Variants in NUGGC observed in about 807,000 individuals in gnomAD.
The protein encoded by NUGGC is nuclear GTPase SLIP-GC.
A neutral mutation model predicts 92.6 loss-of-function variants in NUGGC; 58 were observed. That is an observed-to-expected ratio of 0.63 (90% CI 0.51 to 0.78). The LOEUF is 0.78. Ranked by LOEUF, NUGGC falls within the 30% of genes least tolerant of loss-of-function variation. The pLI is 0.00. For synonymous variants in NUGGC, 376 were observed against 366.4 expected (o/e 1.03, Z -0.30); for missense variants, 925 against 964.6 (o/e 0.96, Z 0.54).
At chr8:28,081,628 C>T (rs1036484822) in intron 1 of NUGGC, among the ~76,000 whole-genome samples, 3 of 152,008 alleles carry the variant, frequency 2.0e-5, no homozygotes, top group Admixed American at 2.0e-4. Flanking sequence ...CCTGTAATCC[C>T]AACATTTTGG....
intron 10 of NUGGC, among the ~76,000 whole-genome samples, chr8:28,053,670 C>T (rs1810063050): frequency 2.0e-5 from 3 of 152,194 alleles, no homozygotes; most frequent in Non-Finnish European, 4.4e-5. Context: ...TGATGTATTG[C>T]TGCCCAGGCC....
intron 13 of NUGGC, among the ~76,000 whole-genome samples, chr8:28,035,514 G>T (rs1044851109): frequency 1.3e-5 from 2 of 152,040 alleles, no homozygotes; most frequent in African/African-American, 4.8e-5. Context: ...TCAGGCGGGG[G>T]CCTTAGCTGC....
chr8:28,075,678 T>A (rs1209060989), intron 1 of NUGGC, among the ~76,000 whole-genome samples: 4 of 152,196 alleles, frequency 2.6e-5, no homozygotes, highest in African/African-American at 9.6e-5. Flanking sequence ...GGAAACTATG[T>A]CTCATTTACA....
rs982242995 is a variant in NUGGC at position 28,040,794 on chromosome 8, A to G, written c.1611+257T>C. Among the ~76,000 whole-genome samples, 9 of 151,932 alleles carry G rather than the reference A, an allele frequency of 5.9e-5. No individual in the cohort carries two copies. The East Asian group carries it at 1.7e-3, about 29-fold the overall frequency. On this transcript the variant is annotated intron_variant, in intron 13 of 18. Coordinates refer to ENST00000413272, the MANE Select transcript of NUGGC (RefSeq NM_001010906.2). Reference sequence around the variant, plus strand: ...CCTGAGCAGCTGGGATGACAGGCACACGCCACCACACCTGGCTAATTTTTG... The same window carrying G: ...CCTGAGCAGCTGGGATGACAGGCACGCGCCACCACACCTGGCTAATTTTTG...
intron 9 of NUGGC, 98 bp from the exon 10 acceptor site, chr8:28,056,152 CCAAA>C (rs1810129635): frequency 2.9e-6 from 2 of 685,854 alleles, no homozygotes; most frequent in Non-Finnish European, 2.5e-6. Flanking sequence ...TTCATTTGGT[CCAAA>C]CAGTCAAATA....
intron 10 of NUGGC, among the ~76,000 whole-genome samples, chr8:28,050,761 A>C (rs1230803416): frequency 6.6e-6 from 1 of 152,006 alleles, no homozygotes; most frequent in Non-Finnish European, 1.5e-5. Flanking sequence ...CAGTGAGCCA[A>C]CATTGTGCCA....
In NUGGC at chr8:28,031,358, G is replaced by A; in HGVS notation, c.1793C>T (p.Ala598Val). 6.2e-7 allele frequency: 1 copy of A among 1,613,984 alleles called. No homozygotes were observed. Among genetic ancestry groups the A allele is most frequent in the South Asian group, 1.1e-5 (1 of 91,082 alleles). Residue 598 changes from alanine (A) to valine (V), a missense_variant, in exon 15 of 19, where the codon GCT becomes GTT. Physicochemically the swap from Ala to Val is moderately conservative, Grantham distance 64 (BLOSUM62 0). Transcript: ENST00000413272. ...AAAAGCATCTATGTGAGGCATCAGA[G>A]CTGAACCAGTGGGCTTCCCCGTCCT... is the stretch of plus-strand genomic sequence containing the variant. ...IFRTGKPTGS[A>V]LMPHIDAFKQ...
chr8:28,053,688 A>T (rs1038537535), intron 10 of NUGGC, among the ~76,000 whole-genome samples: 4 of 152,210 alleles, frequency 2.6e-5, no homozygotes, highest in African/African-American at 4.8e-5. Context: ...GCCCTAACTC[A>T]TACAAACCAA....
At chr8:28,031,480 A>G in intron 14 of NUGGC, 99 bp from the exon 15 acceptor site, 1 of 1,154,098 alleles carries the variant, frequency 8.7e-7, no homozygotes, top group South Asian at 1.4e-5. Flanking sequence ...CATTTAAGAG[A>G]AGGAAGATGA....
intron 8 of NUGGC, among the ~76,000 whole-genome samples, chr8:28,059,263 T>C (rs773964618): frequency 6.6e-6 from 1 of 152,132 alleles, no homozygotes; most frequent in Non-Finnish European, 1.5e-5. Flanking sequence ...ACACACCCCA[T>C]GGATCCAGGA....
intron 6 of NUGGC, among the ~76,000 whole-genome samples, chr8:28,064,939 G>A (rs1810402073): frequency 6.6e-6 from 1 of 152,192 alleles, no homozygotes; most frequent in South Asian, 2.1e-4. Flanking sequence ...TTACCTTACA[G>A]ATGAAACAAA....
rs767413298 is a variant in NUGGC at position 28,065,946 on chromosome 8, CT to C, written c.712-1216del. On this transcript the variant is annotated intron_variant, in intron 6 of 18. Coordinates refer to ENST00000413272, the MANE Select transcript of NUGGC (RefSeq NM_001010906.2). ...AGGCAGGGGCTTGAAAAGCCCCTTC[CT>C]ACAAGAGGGCTCAGCCCAATAAACT... is the stretch of plus-strand genomic sequence containing the variant. Among the ~76,000 whole-genome samples, 112 of 152,276 alleles carry C rather than the reference CT, an allele frequency of 7.4e-4. 1 individual carries two copies. The highest frequency in any genetic ancestry group is 1.2e-3 in the Non-Finnish European group (79 of 68,018).
At chr8:28,028,999 C>T (rs911465434) in intron 17 of NUGGC, among the ~76,000 whole-genome samples, 6 of 152,116 alleles carry the variant, frequency 3.9e-5, no homozygotes, top group Non-Finnish European at 7.3e-5. Flanking sequence ...ATAGTACCTA[C>T]CTCACAGACT....
intron 7 of NUGGC, among the ~76,000 whole-genome samples, chr8:28,061,575 A>G (rs184913889): frequency 6.6e-6 from 1 of 152,322 alleles, no homozygotes; most frequent in Admixed American, 6.5e-5. Flanking sequence ...GAAAATATAA[A>G]CAGTCTCCAA....
chr8:28,035,906 A>T (rs1181056716), intron 13 of NUGGC, among the ~76,000 whole-genome samples: 3 of 152,214 alleles, frequency 2.0e-5, no homozygotes, highest in Non-Finnish European at 4.4e-5. Flanking sequence ...TTTAAGAGAC[A>T]GGGTCTCTCT....
At chr8:28,072,286 A>C (rs548581821) in intron 2 of NUGGC, among the ~76,000 whole-genome samples, 1 of 152,220 alleles carries the variant, frequency 6.6e-6, no homozygotes, top group Non-Finnish European at 1.5e-5. Context: ...ACTAAATACC[A>C]AGTGGTTGCT....
intron 4 of NUGGC, among the ~76,000 whole-genome samples, chr8:28,069,171 A>G (rs1051617694): frequency 1.3e-5 from 2 of 152,114 alleles, no homozygotes; most frequent in African/African-American, 4.8e-5. Context: ...AGGACAAATA[A>G]TTGGGGACAT....
At chr8:28,065,319 C>G (rs899619306) in intron 6 of NUGGC, among the ~76,000 whole-genome samples, 1 of 151,962 alleles carries the variant, frequency 6.6e-6, no homozygotes, top group Admixed American at 6.6e-5. Flanking sequence ...CAACCACGCC[C>G]GGCTAATTTT....
intron 1 of NUGGC, among the ~76,000 whole-genome samples, chr8:28,079,363 A>T (rs1222842146): frequency 6.6e-6 from 1 of 152,080 alleles, no homozygotes; most frequent in Admixed American, 6.6e-5. Context: ...AGCATGGTGA[A>T]ACCCCATCTC....
Sources: allele counts gnomAD v4.1 joint callset (sites outside exome capture counted in the v4.1 genomes callset), GRCh38; gene constraint gnomAD v4.1.1; transcripts MANE v1.5; gene names NCBI Gene and HGNC (gene_info 2026-07-23, HGNC 2026-07-21).